Variants in OTOG observed in about 807,000 individuals in gnomAD.
OTOG encodes otogelin.
Under a neutral mutation model 313.8 loss-of-function variants are expected in OTOG, and 296 were observed. The ratio of observed to expected loss-of-function variants is 0.94; its 90% CI spans 0.86 to 1.04. The LOEUF is 1.04. OTOG is among the 50% of genes least tolerant of loss of function. The pLI is 0.00. For synonymous variants in OTOG, 1,533 were observed against 1,554.9 expected, an observed-to-expected ratio of 0.99 and a Z score of 0.33; for missense variants, 3,948 against 3,840.1, an observed-to-expected ratio of 1.03 and a Z score of -0.74.
At chr11:17,586,803 T>C (rs1019682883) in intron 24 of OTOG, among the ~76,000 whole-genome samples, 5 of 152,256 alleles carry the variant, frequency 3.3e-5, no homozygotes, top group African/African-American at 1.2e-4. Flanking sequence ...CAGTCATGTA[T>C]ATGAATGTGT....
In OTOG at chr11:17,610,168, G is replaced by C. The variant is rs746075986; in HGVS notation, c.4868G>C (p.Arg1623Pro). The C allele has an allele frequency of 6.4e-7, 1 of 1,550,438 alleles. No individual in the cohort carries two copies. Among genetic ancestry groups the C allele is most frequent in the Admixed American group, 2.0e-5 (1 of 50,980 alleles). ...FPLMTKAVTV[R>P]GHGSLPVRTT... ...CTCATGACCAAGGCTGTGACAGTCCGAGGCCATGGCTCCTTGCCTGTTAGG... is the reference window on the plus strand; with the variant it reads ...CTCATGACCAAGGCTGTGACAGTCCCAGGCCATGGCTCCTTGCCTGTTAGG... Residue 1623 changes from arginine to proline, a missense_variant, in exon 36 of 56, where the codon CGA (arginine) becomes CCA (proline). By Grantham distance (103) the Arg-to-Pro change is moderately radical (BLOSUM62 -2). Transcript: ENST00000399397.
rs868556475 is a variant in OTOG, at chr11:17,609,055, G to A, written c.4275-75G>A. The A allele has an allele frequency of 2.6e-5, 31 of 1,195,258 alleles. 2 individuals are homozygous for A. In the Middle Eastern group the frequency reaches 4.2e-3, roughly 160 times the overall value. 74.0% of individuals were successfully genotyped at this position (1,195,258 alleles called of 1,614,324 possible). The stretch of plus-strand genomic sequence containing the variant: ...TGTGTCATAAGAAAGGATAAGGCCT[G>A]TGCTCAATCGAGAGAAAAAGAGATG... On this transcript the variant is annotated intron_variant, in intron 34 of 55. Transcript: ENST00000399397.
At chr11:17,550,177 T>C (rs977850597) in intron 3 of OTOG, among the ~76,000 whole-genome samples, 3 of 152,232 alleles carry the variant, frequency 2.0e-5, no homozygotes, top group Admixed American at 6.5e-5. Flanking sequence ...ATGACAGATA[T>C]TTTCCTACCA....
In OTOG at chr11:17,576,578, C is replaced by T. The variant is rs1468232968; in HGVS notation, c.2509C>T (p.Gln837Ter). ...VPRNQCSCHF[Q>*]GVDYPPGDSD... Reference sequence around the variant, plus strand: ...TAGGAACCAGTGCTCCTGCCACTTCCAGGGAGTGGACTATCCCCCCGGAGA... The same window carrying T: ...TAGGAACCAGTGCTCCTGCCACTTCTAGGGAGTGGACTATCCCCCCGGAGA... The change falls in exon 21 of 56, where the codon CAG becomes TAG. Residue 837 changes from glutamine (Q) to a stop codon, truncating the protein, a stop_gained. Transcript: ENST00000399397. LOFTEE classifies it high-confidence loss of function. The T allele has an allele frequency of 6.4e-7, 1 of 1,550,544 alleles. No individual in the cohort carries two copies. The highest frequency in any genetic ancestry group is 8.7e-7 in the Non-Finnish European group (1 of 1,146,902).
chr11:17,594,620 G>A (rs145649720), intron 28 of OTOG, among the ~76,000 whole-genome samples: 150 of 152,288 alleles, frequency 9.8e-4, no homozygotes, highest in Non-Finnish European at 1.6e-3. Context: ...CAGAGATAAG[G>A]TCTCTGAGAG....
At chr11:17,634,600 C>T (rs750688358) in intron 44 of OTOG, among the ~76,000 whole-genome samples, 17 of 152,162 alleles carry the variant, frequency 1.1e-4, no homozygotes, top group Non-Finnish European at 2.1e-4. Flanking sequence ...CGATCGGGCC[C>T]ATCTTTGGGG....
chr11:17,596,091 A>C lies in OTOG; in HGVS notation c.3462A>C (p.Glu1154Asp). 6.4e-7 allele frequency: 1 copy of C among 1,550,808 alleles called. No homozygotes were observed. Residue 1154 changes from glutamate to aspartate, a missense_variant, in exon 29 of 56, where the codon GAA becomes GAC. Transcript: ENST00000399397. The stretch of plus-strand genomic sequence containing the variant: ...TGTGTGTCCTGAATCCTCTCCGAGA[A>C]CCATTTGCCAAGAAGGAGTGCAGCA... The part of the protein sequence containing the change: ...RDMCVLNPLR[E>D]PFAKKECSIL...
chr11:17,619,027 T>C (rs1853799781), intron 39 of OTOG, among the ~76,000 whole-genome samples: 1 of 152,120 alleles, frequency 6.6e-6, no homozygotes, highest in South Asian at 2.1e-4. Context: ...CTTTGGGAGG[T>C]TGAAGCAGGT....
intron 15 of OTOG, among the ~76,000 whole-genome samples, chr11:17,567,902 C>G (rs973379091): frequency 2.9e-5 from 3 of 103,810 alleles, no homozygotes; most frequent in Non-Finnish European, 2.2e-5. Context: ...ACTTTCTTTT[C>G]TTTTCTTTTC....
At chr11:17,638,642 C>T in intron 48 of OTOG, 93 bp downstream of exon 48, 1 of 1,483,110 alleles carries the variant, frequency 6.7e-7, no homozygotes, top group Non-Finnish European at 9.2e-7. Flanking sequence ...CCGTCCACTC[C>T]TCTCAGATCT....
chr11:17,573,799 T>C (rs972658116), intron 19 of OTOG, among the ~76,000 whole-genome samples: 6 of 152,148 alleles, frequency 3.9e-5, no homozygotes, highest in African/African-American at 1.2e-4. Flanking sequence ...TTTTAGCAAA[T>C]GTTTGTTGAA....
intron 39 of OTOG, among the ~76,000 whole-genome samples, chr11:17,617,049 A>T (rs1235699817): frequency 1.3e-5 from 2 of 152,110 alleles, no homozygotes; most frequent in Non-Finnish European, 2.9e-5. Flanking sequence ...TTTCTGAGAG[A>T]TTTTATTACC....
chr11:17,642,251 G>T lies in OTOG; in HGVS notation c.8415+5G>T. ...AATGAGACTGAGTGTGCCAAGGTCA[G>T]TGCCTCCTTCTCCACTGAGGCTGTA... On this transcript the variant is annotated splice_donor_5th_base_variant and intron_variant, in intron 53 of 55. Transcript: ENST00000399397. 1 of 1,546,884 alleles carries T rather than the reference G, an allele frequency of 6.5e-7. No homozygotes were observed. The highest frequency in any genetic ancestry group is 8.7e-7 in the Non-Finnish European group (1 of 1,144,770).
chr11:17,567,612 G>C (rs1852315489), intron 15 of OTOG, among the ~76,000 whole-genome samples: 2 of 152,138 alleles, frequency 1.3e-5, no homozygotes, highest in Non-Finnish European at 2.9e-5. Flanking sequence ...CCAAAGGACT[G>C]GAGTTACAGG....
chr11:17,586,404 C>G, intron 23 of OTOG, 70 bp from the exon 24 acceptor site: 1 of 948,138 alleles, frequency 1.1e-6, no homozygotes, highest in East Asian at 3.3e-5. Flanking sequence ...CAGATTGAGG[C>G]AGGGTCCTCC....
chr11:17,594,024 C>T (rs927846041), intron 27 of OTOG, 23 bp from the exon 28 acceptor site: 7 of 1,550,498 alleles, frequency 4.5e-6, no homozygotes, highest in Non-Finnish European at 5.2e-6. Context: ...TGCAACTGAC[C>T]ATGGTGTCCT....
In OTOG at chr11:17,612,291, G is replaced by T; in HGVS notation, c.6253G>T (p.Val2085Leu). ...TGGGATCCTGGGCCTCGCCGTGCGG[G>T]TGGGTGGGGACCGCTGCTGCCCACT... ...RCGILGLAVR[V>L]GGDRCCPLWE... is the part of the protein sequence containing the mutation. Residue 2085 changes from valine to leucine, a missense_variant, in exon 37 of 56, where the codon GTG (valine) becomes TTG (leucine). Transcript: ENST00000399397. 6.5e-7 allele frequency: 1 copy of T among 1,541,698 alleles called. No homozygotes were observed. The highest frequency in any genetic ancestry group is 1.2e-5 in the South Asian group (1 of 83,948).
chr11:17,633,052 G>T (rs1041836790), intron 42 of OTOG, among the ~76,000 whole-genome samples: 1 of 152,166 alleles, frequency 6.6e-6, no homozygotes, highest in Non-Finnish European at 1.5e-5. Context: ...TTATATAGAA[G>T]CGATTTTCAA....
intron 15 of OTOG, 54 bp downstream of exon 15, chr11:17,561,861 C>T: frequency 6.5e-7 from 1 of 1,543,820 alleles, no homozygotes. Flanking sequence ...TGCCTACTGC[C>T]CCCAAGAGAG....
Sources: allele counts gnomAD v4.1 joint callset (sites outside exome capture counted in the v4.1 genomes callset), GRCh38; gene constraint gnomAD v4.1.1; transcripts MANE v1.5; gene names NCBI Gene and HGNC (gene_info 2026-07-23, HGNC 2026-07-21).